Variants in COL17A1 observed in about 807,000 individuals in gnomAD.
COL17A1 encodes collagen alpha-1(XVII) chain.
COL17A1 carries 181 observed loss-of-function variants against 218.4 expected under a neutral mutation model. The observed-to-expected ratio is 0.83, with a 90% CI of 0.73 to 0.94. The LOEUF (loss-of-function observed/expected upper bound fraction) is 0.94. Ranked by LOEUF, COL17A1 falls within the 40% of genes least tolerant of loss-of-function variation. COL17A1 has a pLI of 0.00. For synonymous variants in COL17A1, 721 were observed against 731.0 expected (o/e 0.99, Z 0.22); for missense variants, 1,924 against 1,945.9 (o/e 0.99, Z 0.21).
At chr10:104,046,878 A>T in intron 31 of COL17A1, 105 bp from the exon 32 acceptor site, 4 of 1,038,766 alleles carry the variant, frequency 3.9e-6, no homozygotes, top group Non-Finnish European at 5.9e-6. Flanking sequence ...TGGAGGGGTC[A>T]GTGGGTACAG....
intron 11 of COL17A1, among the ~76,000 whole-genome samples, chr10:104,063,101 C>T (rs191399626): frequency 8.3e-4 from 126 of 152,248 alleles, no homozygotes; most frequent in Admixed American, 2.0e-3. Flanking sequence ...TTGTACTTGC[C>T]TCTATATCAG....
Position 104,033,284 on chromosome 10 carries a change from G to A in COL17A1, c.4248C>T (p.Phe1416=). ...CCGCAGTCACGTTGCTGTAGGCAGA[G>A]AAGACCTTGCTGATGCCGGGTGGCC... The part of the protein sequence containing the change: ...PQGPPGISKV[F]SAYSNVTADL... The change falls in exon 53 of 56, where the codon TTC becomes TTT. Residue 1416 remains phenylalanine, a synonymous_variant. Transcript: ENST00000648076. The A allele has an allele frequency of 6.3e-7, 1 of 1,598,640 alleles. No individual in the cohort carries two copies. Among genetic ancestry groups the A allele is most frequent in the Admixed American group, 1.7e-5 (1 of 57,284 alleles).
chr10:104,035,395 C>T (rs775388782), intron 49 of COL17A1, 22 bp from the exon 50 acceptor site: 11 of 1,613,580 alleles, frequency 6.8e-6, no homozygotes, highest in African/African-American at 2.7e-5. Context: ...AGGGAGGGCA[C>T]GGAGTCAGTC....
At chr10:104,038,582 A>G (rs1384458853) in intron 44 of COL17A1, 54 bp from the exon 45 acceptor site, 6 of 1,600,534 alleles carry the variant, frequency 3.7e-6, no homozygotes, top group African/African-American at 1.3e-5. Flanking sequence ...GGGTCAGACA[A>G]ACGGGCCCAG....
At chr10:104,083,706 G>T (rs1391574692) in intron 1 of COL17A1, among the ~76,000 whole-genome samples, 1 of 152,096 alleles carries the variant, frequency 6.6e-6, no homozygotes, top group East Asian at 1.9e-4. Context: ...GAACCATCAC[G>T]TTAACTGTTT....
At chr10:104,049,954 T>A in intron 28 of COL17A1, 135 bp downstream of exon 28, 1 of 1,400,078 alleles carries the variant, frequency 7.1e-7, no homozygotes, top group East Asian at 2.4e-5. Context: ...CATCTTGTGT[T>A]TTTTCTAGAT....
At position 104,060,282 on chromosome 10, in the gene COL17A1, TG is replaced by T. The variant is rs1424435391; in HGVS notation, c.980-3del. 2 of 1,613,702 alleles carry T rather than the reference TG, an allele frequency of 1.2e-6. No homozygotes were observed. The highest frequency in any genetic ancestry group is 1.7e-6 in the Non-Finnish European group (2 of 1,179,952). On this transcript the variant is annotated splice_region_variant and splice_polypyrimidine_tract_variant and intron_variant, in intron 13 of 55. Transcript: ENST00000648076. ...CGCTCTGCACACTTGTGGTGCAGGC[TG>T]GGGAGAAAGAAAATGGGTAAGAAGG... is the stretch of plus-strand genomic sequence containing the variant.
chr10:104,076,645 G>A (rs2086713591), intron 4 of COL17A1, among the ~76,000 whole-genome samples: 1 of 152,158 alleles, frequency 6.6e-6, no homozygotes, highest in Non-Finnish European at 1.5e-5. Context: ...TACCATGCAT[G>A]GAAATGGAAA....
rs140178947 is a variant in COL17A1, at chr10:104,032,736, C to T, written c.4376G>A (p.Gly1459Glu). Reference sequence around the variant, plus strand: ...AGGTGGCCCAGGATGACCTGGTGGCCCAGCAGGGCCCCTGTCACCTGGAAG... The same window carrying T: ...AGGTGGCCCAGGATGACCTGGTGGCTCAGCAGGGCCCCTGTCACCTGGAAG... ...PGPKGDRGPA[G>E]PPGHPGPPGP... The change falls in exon 55 of 56, where the codon GGG (glycine) becomes GAG (glutamate). Residue 1459 changes from glycine to glutamate, a missense_variant. Coordinates refer to ENST00000648076, the MANE Select transcript of COL17A1 (RefSeq NM_000494.4). The T allele has an allele frequency of 1.1e-5, 18 of 1,614,040 alleles. No homozygotes were observed. Among genetic ancestry groups the T allele is most frequent in the Non-Finnish European group, 1.3e-5 (15 of 1,180,042 alleles).
Position 104,045,751 on chromosome 10 carries a change from C to T in COL17A1, c.2398+7G>A, listed in dbSNP as rs763894490. On this transcript the variant is annotated splice_region_variant and intron_variant, in intron 33 of 55. Coordinates refer to ENST00000648076, the MANE Select transcript of COL17A1 (RefSeq NM_000494.4). ...AAGAAAGAAATCTCATTTGGAAATT[C>T]ACTTACCTTTTATTCCTGGTCGGCC... is the stretch of plus-strand genomic sequence containing the variant. The T allele has an allele frequency of 6.2e-7, 1 of 1,608,598 alleles. No individual in the cohort carries two copies. The highest frequency in any genetic ancestry group is 1.7e-5 in the Admixed American group (1 of 60,030).
intron 6 of COL17A1, 182 bp downstream of exon 6, chr10:104,074,002 G>A: frequency 2.4e-6 from 2 of 839,994 alleles, no homozygotes; most frequent in Non-Finnish European, 3.8e-6. Context: ...TAATGTGGCT[G>A]ATAGTCCCCT....
Position 104,034,837 on chromosome 10 carries a change from C to T in COL17A1, c.3620-70G>A, listed in dbSNP as rs937308939. 226 of 1,578,310 alleles carry T rather than the reference C, an allele frequency of 1.4e-4. No individual in the cohort carries two copies. The African/African-American group carries it at 1.6e-3, about 11-fold the overall frequency. On this transcript the variant is annotated intron_variant, in intron 50 of 55. Transcript: ENST00000648076. Reference sequence around the variant, plus strand: ...GGAAGCTGAATTCCCAGCCTGTGCTCGGGGCGCTGTGGGCCCCACCTGAAA... The same window carrying T: ...GGAAGCTGAATTCCCAGCCTGTGCTTGGGGCGCTGTGGGCCCCACCTGAAA...
At chr10:104,078,944 C>T (rs143768148) in intron 2 of COL17A1, among the ~76,000 whole-genome samples, 91 of 152,302 alleles carry the variant, frequency 6.0e-4, no homozygotes, top group Admixed American at 1.1e-3. Flanking sequence ...CAAGTCACTC[C>T]GTTTCTCTGC....
At chr10:104,041,748 G>A (rs1352983072) in intron 36 of COL17A1, among the ~76,000 whole-genome samples, 2 of 152,182 alleles carry the variant, frequency 1.3e-5, no homozygotes, top group East Asian at 1.9e-4. Flanking sequence ...CCATAGTCAA[G>A]CTCCCTGACA....
intron 9 of COL17A1, among the ~76,000 whole-genome samples, chr10:104,068,306 T>C (rs191601957): frequency 5.9e-5 from 9 of 152,194 alleles, no homozygotes; most frequent in Admixed American, 2.6e-4. Context: ...TATCATAGAA[T>C]GTCAAACTAA....
At chr10:104,037,287 ATT>A (rs34553613) in intron 46 of COL17A1, among the ~76,000 whole-genome samples, 174 bp from the exon 47 acceptor site, 19 of 147,966 alleles carry the variant, frequency 1.3e-4, no homozygotes, top group South Asian at 6.4e-4. Context: ...TGTTGTTGGG[ATT>A]TTTTTTTTTT....
Position 104,043,571 on chromosome 10 carries a change from C to T in COL17A1, c.2445G>A (p.Ser815=), listed in dbSNP as rs1745528608. The T allele has an allele frequency of 6.2e-7, 1 of 1,614,008 alleles. No homozygotes were observed. The part of the protein sequence containing the change: ...PGKIVTSEGS[S]MLTVPGPPGP... Reference sequence around the variant, plus strand: ...CTGGGGGGCCTGGGACAGTGAGCATCGATGACCCCTCTGAAAACAGAAGGC... The same window carrying T: ...CTGGGGGGCCTGGGACAGTGAGCATTGATGACCCCTCTGAAAACAGAAGGC... Residue 815 remains serine (S), a synonymous_variant, in exon 35 of 56, where the codon TCG becomes TCA. Transcript: ENST00000648076.
chr10:104,080,551 C>T, intron 2 of COL17A1, 71 bp downstream of exon 2: 3 of 1,527,556 alleles, frequency 2.0e-6, no homozygotes, highest in Non-Finnish European at 2.7e-6. Context: ...TAATGAATTA[C>T]TTATTCTGTT....
intron 24 of COL17A1, 145 bp from the exon 25 acceptor site, chr10:104,051,661 G>C: frequency 1.0e-6 from 1 of 972,420 alleles, no homozygotes; most frequent in Non-Finnish European, 1.6e-6. Context: ...GGTGACCCCA[G>C]TGCATGTCCT....
Sources: gnomAD v4.1 joint callset for allele counts (sites outside exome capture counted in the v4.1 genomes callset) on GRCh38, gnomAD v4.1.1 for gene constraint, MANE v1.5 for transcripts, NCBI Gene and HGNC (gene_info 2026-07-23, HGNC 2026-07-21) for gene names.